Variants in RPAP2 observed in about 807,000 individuals in gnomAD.
RPAP2 encodes RNA polymerase II associated protein 2.
In RPAP2, 52 loss-of-function variants were observed where a neutral mutation model predicts 73.1. That is an observed-to-expected ratio of 0.71 (90% CI 0.57 to 0.90). The LOEUF (loss-of-function observed/expected upper bound fraction) is 0.90, where lower values mean the gene tolerates loss of function less well. Among genes scored for constraint, RPAP2 ranks in the 40% least tolerant of loss-of-function variants. The pLI is 0.00. For missense variants in RPAP2, 598 were observed against 701.8 expected, an observed-to-expected ratio of 0.85 and a Z score of 1.67; for synonymous variants, 225 against 242.1, an observed-to-expected ratio of 0.93 and a Z score of 0.65.
At chr1:92,339,795 T>C (rs1653502253) in intron 10 of RPAP2, among the ~76,000 whole-genome samples, 1 of 152,184 alleles carries the variant, frequency 6.6e-6, no homozygotes, top group African/African-American at 2.4e-5. Context: ...GACATTCAAC[T>C]GCCCTTTTCC....
At chr1:92,322,569 CAAAAAAT>C (rs1553151048) in intron 7 of RPAP2, among the ~76,000 whole-genome samples, 2 of 149,934 alleles carry the variant, frequency 1.3e-5, no homozygotes, top group Non-Finnish European at 3.0e-5. Flanking sequence ...AAATAAAATA[CAAAAAAT>C]AAAAAATAAA....
intron 11 of RPAP2, among the ~76,000 whole-genome samples, chr1:92,377,915 T>G (rs1487043876): frequency 6.6e-6 from 1 of 152,242 alleles, no homozygotes; most frequent in Non-Finnish European, 1.5e-5. Flanking sequence ...AGTTTGTAAC[T>G]AAGGCAGTTG....
rs1162480916 is a variant in RPAP2 at position 92,389,070 on chromosome 1, TAGAC to T, written c.*2064_*2067del. 3 of 152,356 alleles carry T rather than the reference TAGAC, an allele frequency of 2.0e-5. No homozygotes were observed. The highest frequency in any genetic ancestry group is 4.8e-5 in the African/African-American group (2 of 41,438). The allele number at this position is 152,356 out of a possible 1,614,324, so 9.4% of individuals were successfully genotyped here. A position where few individuals can be genotyped will look rare whatever the true frequency, so the allele number is the denominator to read the frequency against. On this transcript the variant is annotated 3_prime_UTR_variant, in exon 13 of 13. Transcript: ENST00000610020. ...CAGCACCGCGTTCAAGCTCCGATAA[TAGAC>T]AGACTGCCTCCTCAAGTGGGTCCCT...
At chr1:92,362,783 G>GT (rs748879997) in intron 11 of RPAP2, among the ~76,000 whole-genome samples, 4 of 151,960 alleles carry the variant, frequency 2.6e-5, no homozygotes, top group Non-Finnish European at 4.4e-5. Flanking sequence ...TCACTTACAG[G>GT]TTTTTCATTG....
chr1:92,400,504 T>C lies in RPAP2; in HGVS notation c.*13493T>C, dbSNP rs914095405. On this transcript the variant is annotated 3_prime_UTR_variant, in exon 13 of 13. Coordinates refer to ENST00000610020, the MANE Select transcript of RPAP2 (RefSeq NM_024813.3). ...CCAGCTAATATTTTTTTTAATTTTA[T>C]ATTTTTTAGAGACAGGGTGTCACTA... is the stretch of plus-strand genomic sequence containing the variant. The C allele has an allele frequency of 1.3e-5, 2 of 152,160 alleles. No individual in the cohort carries two copies. The highest frequency in any genetic ancestry group is 4.8e-5 in the African/African-American group (2 of 41,412). 9.4% of individuals were successfully genotyped at this position (152,160 alleles called of 1,614,324 possible).
At chr1:92,309,799 T>C (rs374753142) in intron 6 of RPAP2, among the ~76,000 whole-genome samples, 27 of 152,080 alleles carry the variant, frequency 1.8e-4, no homozygotes, top group African/African-American at 9.7e-5. Flanking sequence ...TGGGAATGGG[T>C]TGGGATATTG....
rs1651059730 is a variant in RPAP2 at position 92,304,319 on chromosome 1, C to G, written c.369C>G (p.Thr123=). Reference sequence around the variant, plus strand: ...AGAAATATAAAATTTCTACCAAAACCAATAAAGTCTATGATATTACTGAAA... The same window carrying G: ...AGAAATATAAAATTTCTACCAAAACGAATAAAGTCTATGATATTACTGAAA... The part of the protein sequence containing the change: ...PKQKYKISTK[T]NKVYDITERK... Residue 123 remains threonine, a synonymous_variant, in exon 5 of 13, where the codon ACC becomes ACG. Coordinates refer to ENST00000610020, the MANE Select transcript of RPAP2 (RefSeq NM_024813.3). The G allele has an allele frequency of 6.6e-7, 1 of 1,519,576 alleles. No individual in the cohort carries two copies. Among genetic ancestry groups the G allele is most frequent in the African/African-American group, 1.4e-5 (1 of 72,016 alleles). 94.1% of individuals were successfully genotyped at this position (1,519,576 alleles called of 1,614,324 possible).
Position 92,345,829 on chromosome 1 carries a change from T to C in RPAP2, c.1620-17T>C, listed in dbSNP as rs1653860849. ...TTAAAGGTAACACTCCTTGGATAAA[T>C]TTTATCTATCTTTCAGGTTAACAAA... On this transcript the variant is annotated splice_polypyrimidine_tract_variant and intron_variant, in intron 10 of 12. Transcript: ENST00000610020. The C allele has an allele frequency of 1.4e-6, 2 of 1,469,224 alleles. No homozygotes were observed. The highest frequency in any genetic ancestry group is 1.9e-6 in the Non-Finnish European group (2 of 1,054,220). The allele number at this position is 1,469,224 out of a possible 1,614,324, so 91.0% of individuals were successfully genotyped here.
chr1:92,355,530 T>C (rs1318672996), intron 11 of RPAP2, among the ~76,000 whole-genome samples: 2 of 152,230 alleles, frequency 1.3e-5, no homozygotes, highest in Non-Finnish European at 2.9e-5. Flanking sequence ...CCAAGTGTTA[T>C]ACTTTGTTAG....
At chr1:92,301,091 T>C (rs1396025506) in intron 2 of RPAP2, among the ~76,000 whole-genome samples, 3 of 152,216 alleles carry the variant, frequency 2.0e-5, no homozygotes, top group South Asian at 2.1e-4. Context: ...AAGTAGACAT[T>C]AACCATACAA....
intron 3 of RPAP2, among the ~76,000 whole-genome samples, 158 bp from the exon 4 acceptor site, chr1:92,303,819 A>C (rs993592438): frequency 6.6e-6 from 1 of 151,972 alleles, no homozygotes; most frequent in African/African-American, 2.4e-5. Context: ...TCTCTAAGTG[A>C]TTTTGCTTTA....
At chr1:92,305,304 G>C (rs557077024) in intron 5 of RPAP2, among the ~76,000 whole-genome samples, 40 of 151,446 alleles carry the variant, frequency 2.6e-4, no homozygotes, top group Admixed American at 2.6e-3. Context: ...GTGATGGCGG[G>C]CGCCTGTAGT....
At chr1:92,352,833 CCTAT>C (rs1398000209) in intron 11 of RPAP2, among the ~76,000 whole-genome samples, 2 of 152,164 alleles carry the variant, frequency 1.3e-5, no homozygotes, top group African/African-American at 2.4e-5. Context: ...AAAGAAACCT[CCTAT>C]CTATTAGTTC....
At chr1:92,386,670 T>C (rs770361309) in intron 12 of RPAP2, among the ~76,000 whole-genome samples, 13 of 152,182 alleles carry the variant, frequency 8.5e-5, no homozygotes, top group Non-Finnish European at 1.6e-4. Context: ...CAACAGCTAG[T>C]AAAATACTTT....
At chr1:92,372,056 GAC>G (rs1225270690) in intron 11 of RPAP2, among the ~76,000 whole-genome samples, 4 of 152,090 alleles carry the variant, frequency 2.6e-5, no homozygotes, top group African/African-American at 9.7e-5. Context: ...TAATTAGCTT[GAC>G]GCAGTCATTC....
chr1:92,349,188 A>C (rs1322850610), intron 11 of RPAP2, among the ~76,000 whole-genome samples: 1 of 152,246 alleles, frequency 6.6e-6, no homozygotes, highest in Admixed American at 6.5e-5. Flanking sequence ...TCTGGAATTC[A>C]TGTTTAAAAA....
intron 11 of RPAP2, among the ~76,000 whole-genome samples, chr1:92,366,160 G>A (rs539624717): frequency 7.2e-5 from 11 of 152,214 alleles, no homozygotes; most frequent in South Asian, 4.2e-4. Flanking sequence ...TGTTTTAGCC[G>A]GATGTGGTGG....
At chr1:92,335,274 G>C (rs1272199825) in intron 9 of RPAP2, among the ~76,000 whole-genome samples, 1 of 152,054 alleles carries the variant, frequency 6.6e-6, no homozygotes, top group African/African-American at 2.4e-5. Flanking sequence ...ATGAAGCAAA[G>C]GTAGCAAAAA....
chr1:92,337,587 G>A (rs1011537933), intron 10 of RPAP2, among the ~76,000 whole-genome samples: 4 of 152,068 alleles, frequency 2.6e-5, no homozygotes, highest in Admixed American at 6.6e-5. Flanking sequence ...AACTATAGAT[G>A]TCTTAAAACA....
Sources: allele counts gnomAD v4.1 joint callset (sites outside exome capture counted in the v4.1 genomes callset), GRCh38; gene constraint gnomAD v4.1.1; transcripts MANE v1.5; gene names NCBI Gene and HGNC (gene_info 2026-07-23, HGNC 2026-07-21).